FUT8: variants seen among roughly 807,000 people sequenced by gnomAD.
The protein encoded by FUT8 is alpha-(1,6)-fucosyltransferase.
In FUT8, 29 loss-of-function variants were observed where a neutral mutation model predicts 71.3. The ratio of observed to expected loss-of-function variants is 0.41; its 90% CI spans 0.30 to 0.55. The LOEUF (loss-of-function observed/expected upper bound fraction) is 0.55, where lower values mean the gene tolerates loss of function less well. Ranked by LOEUF, FUT8 falls within the 20% of genes least tolerant of loss-of-function variation. The pLI is 0.34. For missense variants in FUT8, 544 were observed against 702.1 expected, an observed-to-expected ratio of 0.77 and a Z score of 2.55; for synonymous variants, 254 against 239.3, an observed-to-expected ratio of 1.06 and a Z score of -0.57.
At chr14:65,644,881 T>G (rs1276084382) in intron 6 of FUT8, among the ~76,000 whole-genome samples, 1 of 152,186 alleles carries the variant, frequency 6.6e-6, no homozygotes, top group African/African-American at 2.4e-5. Context: ...ATACATACTT[T>G]CTCTGTAAAG....
Position 65,453,140 on chromosome 14 carries a change from CTT to C in FUT8, c.-325-2468_-325-2467del, listed in dbSNP as rs35340794. Among the ~76,000 whole-genome samples the C allele has an allele frequency of 9.6e-4, 138 of 143,500 alleles. 1 individual carries two copies. The highest frequency in any genetic ancestry group is 3.6e-3 in the Middle Eastern group (1 of 274). The allele number at this position is 143,500 out of a possible 152,430, so 94.1% of individuals were successfully genotyped here. A position where few individuals can be genotyped will look rare whatever the true frequency, so the allele number is the denominator to read the frequency against. ...CTGGACATTTTTATATTCCTATATT[CTT>C]TTTTTTTTTTTTAAGAGATGGGGTC... On this transcript the variant is annotated intron_variant, in intron 1 of 10. Transcript: ENST00000673929.
rs543671364 is a variant in FUT8, at chr14:65,489,049, A to G, written c.-228+33331A>G. On this transcript the variant is annotated intron_variant, in intron 2 of 10. Coordinates refer to ENST00000673929, the MANE Select transcript of FUT8 (RefSeq NM_001371533.1). The surrounding 1 kb of genome is among the most constrained non-coding windows in gnomAD (Gnocchi z 4.0). ...GGCTCTCATGGTAAATGTGTCAGAT[A>G]TAGTCAATATTTTAGTATTGTCATG... Among the ~76,000 whole-genome samples, 23 of 152,246 alleles carry G rather than the reference A, an allele frequency of 1.5e-4. No individual in the cohort carries two copies. The highest frequency in any genetic ancestry group is 6.2e-4 in the South Asian group (3 of 4,828).
chr14:65,529,361 AGCTGGGATTACAGGT>A (rs1883771116), intron 2 of FUT8, among the ~76,000 whole-genome samples: 1 of 152,076 alleles, frequency 6.6e-6, no homozygotes, highest in South Asian at 2.1e-4. Context: ...CCTCTGGAAG[AGCTGGGATTACAGGT>A]GCATGCCACC....
intron 2 of FUT8, among the ~76,000 whole-genome samples, chr14:65,554,433 T>TA (rs1555370724): frequency 8.4e-4 from 121 of 143,492 alleles, no homozygotes; most frequent in African/African-American, 3.0e-3. Flanking sequence ...TATATATATA[T>TA]TATATATATA....
intron 7 of FUT8, among the ~76,000 whole-genome samples, chr14:65,720,705 G>T (rs1475724393): frequency 6.6e-6 from 1 of 152,152 alleles, no homozygotes; most frequent in Non-Finnish European, 1.5e-5. Context: ...TACAGTTCTT[G>T]TGGCCTAGAC....
intron 6 of FUT8, among the ~76,000 whole-genome samples, chr14:65,656,310 C>T (rs979083562): frequency 6.6e-6 from 1 of 151,780 alleles, no homozygotes; most frequent in Non-Finnish European, 1.5e-5. Context: ...AAAGTCAACA[C>T]ACAAATATCA....
intron 3 of FUT8, among the ~76,000 whole-genome samples, chr14:65,595,903 G>A (rs8008705): frequency 0.062 from 9,495 of 152,146 alleles, 351 homozygotes; most frequent in Admixed American, 0.11. Flanking sequence ...GCCACCACGC[G>A]CGGCCCACAC....
At chr14:65,508,720 T>C (rs1882126564) in intron 2 of FUT8, among the ~76,000 whole-genome samples, 1 of 151,772 alleles carries the variant, frequency 6.6e-6, no homozygotes, top group Non-Finnish European at 1.5e-5. Context: ...CAGGCTGGTC[T>C]TGAACTCCTG....
intron 7 of FUT8, among the ~76,000 whole-genome samples, chr14:65,698,763 A>G (rs1307793120): frequency 1.3e-5 from 2 of 152,124 alleles, no homozygotes; most frequent in Non-Finnish European, 2.9e-5. Flanking sequence ...TAGGTACGGC[A>G]CGTTATATTA....
chr14:65,359,885 G>A, the FUT8 span, among the ~76,000 whole-genome samples: 1 of 152,062 alleles, frequency 6.6e-6, no homozygotes, highest in Non-Finnish European at 1.5e-5. Flanking sequence ...GAGTGCAGTG[G>A]CATGATCTCT....
In FUT8 at chr14:65,652,262, G is replaced by A. The variant is rs899107797; in HGVS notation, c.598-16981G>A. Among the ~76,000 whole-genome samples, 4 of 152,210 alleles carry A rather than the reference G, an allele frequency of 2.6e-5. No individual in the cohort carries two copies. Among genetic ancestry groups the A allele is most frequent in the South Asian group, 2.1e-4 (1 of 4,830 alleles). On this transcript the variant is annotated intron_variant, in intron 6 of 10. Transcript: ENST00000673929. This position sits in a 1 kb window ranked among gnomAD's most constrained non-coding sequence, Gnocchi z 4.0. ...CAGAAGCTGGAAAGGCCAGATACTCGCTTTCCTAGCACCCTCCCTGTTTTG... is the reference window on the plus strand; with the variant it reads ...CAGAAGCTGGAAAGGCCAGATACTCACTTTCCTAGCACCCTCCCTGTTTTG...
At chr14:65,605,857 C>T (rs1202443187) in intron 3 of FUT8, among the ~76,000 whole-genome samples, 2 of 151,812 alleles carry the variant, frequency 1.3e-5, no homozygotes, top group East Asian at 3.8e-4. Context: ...AAATGCTGAT[C>T]ATTTCTCAGG....
intron 1 of FUT8, among the ~76,000 whole-genome samples, chr14:65,435,017 C>T (rs916197369): frequency 2.6e-5 from 4 of 152,142 alleles, no homozygotes; most frequent in African/African-American, 9.7e-5. Flanking sequence ...AAACACTGAT[C>T]TATTCTCTAT....
At chr14:65,561,038 C>T (rs150764845) in intron 2 of FUT8, among the ~76,000 whole-genome samples, 1,833 of 152,108 alleles carry the variant, frequency 0.012, 15 homozygotes, top group Middle Eastern at 0.024. Context: ...ATTTTTAAGT[C>T]TTCATATATA....
intron 6 of FUT8, among the ~76,000 whole-genome samples, chr14:65,630,043 A>C (rs895821648): frequency 6.6e-6 from 1 of 152,160 alleles, no homozygotes; most frequent in African/African-American, 2.4e-5. Context: ...TACCAGCTGG[A>C]GGTTATCAGC....
At chr14:65,512,907 C>CAA (rs35280167) in intron 2 of FUT8, among the ~76,000 whole-genome samples, 18,127 of 83,634 alleles carry the variant, frequency 0.22, 1,764 homozygotes, top group East Asian at 0.41. Flanking sequence ...GACTCTGTCT[C>CAA]AAAAAAAAAA....
chr14:65,668,213 A>ATT (rs954733245), intron 6 of FUT8, among the ~76,000 whole-genome samples: 1 of 152,192 alleles, frequency 6.6e-6, no homozygotes, highest in African/African-American at 2.4e-5. Context: ...AGAAACAAAA[A>ATT]TTGGCAAACA....
chr14:65,423,059 C>T (rs1239127845), intron 1 of FUT8, among the ~76,000 whole-genome samples: 1 of 148,962 alleles, frequency 6.7e-6, no homozygotes, highest in African/African-American at 2.5e-5. Context: ...GATCTCGGCT[C>T]ACTGCAACCT....
At chr14:65,537,563 A>G (rs1293999066) in intron 2 of FUT8, among the ~76,000 whole-genome samples, 2 of 151,718 alleles carry the variant, frequency 1.3e-5, no homozygotes, top group Non-Finnish European at 2.9e-5. Context: ...AATTTTTTGT[A>G]TTTTTAGTAG....
Sources: allele counts gnomAD v4.1 joint callset (sites outside exome capture counted in the v4.1 genomes callset), GRCh38; gene constraint gnomAD v4.1.1; non-coding constraint Gnocchi (gnomAD v3.1); transcripts MANE v1.5; gene names NCBI Gene and HGNC (gene_info 2026-07-23, HGNC 2026-07-21).